SLC44A5: variants seen among roughly 807,000 people sequenced by gnomAD.
SLC44A5 encodes solute carrier family 44 member 5.
SLC44A5 carries 57 observed loss-of-function variants against 101.8 expected under a neutral mutation model. The observed-to-expected ratio is 0.56, with a 90% CI of 0.45 to 0.70. The LOEUF (loss-of-function observed/expected upper bound fraction) is 0.70, where lower values mean the gene tolerates loss of function less well. Ranked by LOEUF, SLC44A5 falls within the 30% of genes least tolerant of loss-of-function variation. SLC44A5 has a pLI of 0.00. For synonymous variants in SLC44A5, 281 were observed against 290.9 expected, an observed-to-expected ratio of 0.97 and a Z score of 0.35; for missense variants, 737 against 853.1, an observed-to-expected ratio of 0.86 and a Z score of 1.70.
intron 6 of SLC44A5, among the ~76,000 whole-genome samples, chr1:75,265,870 T>C (rs1008955659): frequency 3.9e-5 from 6 of 152,208 alleles, no homozygotes; most frequent in African/African-American, 1.4e-4. Flanking sequence ...GAAGTTTTTG[T>C]AGTAGCCAGT....
At chr1:75,286,160 G>A (rs115199106) in intron 5 of SLC44A5, among the ~76,000 whole-genome samples, 1,572 of 152,142 alleles carry the variant, frequency 0.01, 33 homozygotes, top group African/African-American at 0.036. Context: ...CTAGAGTTAG[G>A]TGCATACATA....
At chr1:75,673,834 T>G in the SLC44A5 span, among the ~76,000 whole-genome samples, 2 of 152,184 alleles carry the variant, frequency 1.3e-5, no homozygotes, top group South Asian at 4.1e-4. Flanking sequence ...CCTATGAGTC[T>G]GCAAGAGCCA....
intron 13 of SLC44A5, among the ~76,000 whole-genome samples, chr1:75,225,181 C>G (rs1254464694): frequency 6.6e-6 from 1 of 152,148 alleles, no homozygotes; most frequent in African/African-American, 2.4e-5. Context: ...CTGTATCTTT[C>G]TTATGTTTAG....
chr1:75,330,151 G>GTA (rs72229222), intron 4 of SLC44A5, among the ~76,000 whole-genome samples: 14 of 117,790 alleles, frequency 1.2e-4, no homozygotes, highest in East Asian at 9.2e-4. Flanking sequence ...ATGCATATAC[G>GTA]TATATGCATA....
chr1:75,668,137 C>A, the SLC44A5 span, among the ~76,000 whole-genome samples: 15 of 152,000 alleles, frequency 9.9e-5, no homozygotes, highest in African/African-American at 3.6e-4. Context: ...AAGACAACAA[C>A]GGAATTACCT....
intron 1 of SLC44A5, among the ~76,000 whole-genome samples, chr1:75,550,725 T>A (rs546860300): frequency 5.9e-5 from 9 of 152,182 alleles, no homozygotes; most frequent in African/African-American, 2.2e-4. Flanking sequence ...TTTGATGATG[T>A]CAGTAACTGA....
At chr1:75,458,881 G>T (rs1450886946) in intron 2 of SLC44A5, among the ~76,000 whole-genome samples, 2 of 152,086 alleles carry the variant, frequency 1.3e-5, no homozygotes, top group Non-Finnish European at 2.9e-5. Flanking sequence ...GGAACTGGTG[G>T]AAAAAATGAG....
chr1:75,588,056 G>C (rs933508746), intron 1 of SLC44A5, among the ~76,000 whole-genome samples: 1 of 152,178 alleles, frequency 6.6e-6, no homozygotes, highest in African/African-American at 2.4e-5. Flanking sequence ...AGAAAAAGGA[G>C]TGTAGAGAAA....
intron 22 of SLC44A5, among the ~76,000 whole-genome samples, 193 bp downstream of exon 22, chr1:75,213,512 A>G (rs565677695): frequency 6.6e-6 from 1 of 152,148 alleles, no homozygotes; most frequent in South Asian, 2.1e-4. Flanking sequence ...TCTCCCCACC[A>G]TGTGAGGATA....
chr1:75,283,876 C>G (rs1050156267), intron 5 of SLC44A5, among the ~76,000 whole-genome samples: 4 of 151,984 alleles, frequency 2.6e-5, no homozygotes, highest in African/African-American at 9.7e-5. Context: ...TATAGCAGTA[C>G]AATGCTGTTT....
chr1:75,309,073 A>G (rs1410016746), intron 4 of SLC44A5, among the ~76,000 whole-genome samples: 1 of 152,216 alleles, frequency 6.6e-6, no homozygotes, highest in Admixed American at 6.5e-5. Flanking sequence ...AAATTTATTT[A>G]TAAAGATTGA....
chr1:75,449,942 A>C (rs1665806459), intron 2 of SLC44A5, among the ~76,000 whole-genome samples: 1 of 152,180 alleles, frequency 6.6e-6, no homozygotes, highest in Non-Finnish European at 1.5e-5. Flanking sequence ...CAGAGGTTGC[A>C]GTAAGCCAAG....
At chr1:75,696,663 A>C in the SLC44A5 span, among the ~76,000 whole-genome samples, 8 of 152,210 alleles carry the variant, frequency 5.3e-5, no homozygotes, top group African/African-American at 1.9e-4. Context: ...TGGGAGGCCG[A>C]GGCGGGGAGA....
chr1:75,262,909 T>G (rs1557592952), intron 6 of SLC44A5, among the ~76,000 whole-genome samples: 1 of 152,188 alleles, frequency 6.6e-6, no homozygotes, highest in African/African-American at 2.4e-5. Flanking sequence ...TAAATGGTGT[T>G]GGGAAAACTG....
chr1:75,594,056 T>G (rs935562621), intron 1 of SLC44A5, among the ~76,000 whole-genome samples: 1 of 152,028 alleles, frequency 6.6e-6, no homozygotes, highest in South Asian at 2.1e-4. Context: ...TTCTTCATGA[T>G]GTGCTTATTT....
the SLC44A5 span, among the ~76,000 whole-genome samples, chr1:75,690,733 C>A: frequency 6.6e-6 from 1 of 152,138 alleles, no homozygotes; most frequent in Non-Finnish European, 1.5e-5. Context: ...CATGACACTT[C>A]CAGGAACACC....
At chr1:75,450,283 G>A (rs1033148839) in intron 2 of SLC44A5, among the ~76,000 whole-genome samples, 4 of 152,190 alleles carry the variant, frequency 2.6e-5, no homozygotes, top group African/African-American at 9.7e-5. Flanking sequence ...AAGCCCTGGA[G>A]CTAAGTTGGG....
intron 3 of SLC44A5, among the ~76,000 whole-genome samples, chr1:75,345,060 A>G (rs1351449130): frequency 1.3e-5 from 2 of 152,144 alleles, no homozygotes; most frequent in Non-Finnish European, 2.9e-5. Flanking sequence ...TATATATTTA[A>G]TTTAGATTAT....
intron 1 of SLC44A5, among the ~76,000 whole-genome samples, chr1:75,605,025 G>A (rs1675241380): frequency 1.3e-5 from 2 of 151,888 alleles, no homozygotes; most frequent in Admixed American, 1.3e-4. Flanking sequence ...TTCCGGTACT[G>A]TGTTCAACAG....
Sources: allele counts gnomAD v4.1 joint callset (sites outside exome capture counted in the v4.1 genomes callset), GRCh38; gene constraint gnomAD v4.1.1; transcripts MANE v1.5; gene names NCBI Gene and HGNC (gene_info 2026-07-23, HGNC 2026-07-21).